PLEKHH1: variants seen among roughly 807,000 people sequenced by gnomAD.
PLEKHH1 encodes the protein pleckstrin homology, MyTH4 and FERM domain containing H1.
Under a neutral mutation model 160.0 loss-of-function variants are expected in PLEKHH1, and 104 were observed. That is an observed-to-expected ratio of 0.65 (90% CI 0.55 to 0.76). The LOEUF is 0.76. PLEKHH1 is among the 30% of genes least tolerant of loss of function. The pLI is 0.00. For synonymous variants in PLEKHH1, 619 were observed against 678.4 expected, an observed-to-expected ratio of 0.91 and a Z score of 1.36; for missense variants, 1,427 against 1,724.1, an observed-to-expected ratio of 0.83 and a Z score of 3.05.
chr14:67,573,245 CT>C lies in PLEKHH1; in HGVS notation c.1729-28del, dbSNP rs2035470152. The C allele has an allele frequency of 1.4e-6, 2 of 1,406,954 alleles. No individual in the cohort carries two copies. The highest frequency in any genetic ancestry group is 1.1e-5 in the South Asian group (1 of 86,990). The allele number at this position is 1,406,954 out of a possible 1,614,324, so 87.2% of individuals were successfully genotyped here. A position where few individuals can be genotyped will look rare whatever the true frequency, so the allele number is the denominator to read the frequency against. ...GTCTAGGAGCCCTGAGTGATTTCCC[CT>C]TTCTTCATCTACACCCTTCCACCCC... On this transcript the variant is annotated intron_variant, in intron 11 of 28. Coordinates refer to ENST00000329153, the MANE Select transcript of PLEKHH1 (RefSeq NM_020715.3). This position sits in a 1 kb window ranked among gnomAD's most constrained non-coding sequence, Gnocchi z 4.8.
intron 1 of PLEKHH1, among the ~76,000 whole-genome samples, chr14:67,537,745 G>A (rs932362691): frequency 2.0e-5 from 3 of 152,270 alleles, no homozygotes; most frequent in Admixed American, 1.3e-4. Flanking sequence ...GAGATCCCAG[G>A]TCAAATTTGT....
intron 4 of PLEKHH1, 58 bp downstream of exon 4, chr14:67,557,476 C>T (rs1329582292): frequency 6.5e-7 from 1 of 1,542,426 alleles, no homozygotes; most frequent in South Asian, 1.2e-5. Context: ...ACTGCTGGCC[C>T]CCAGCTTCCT....
chr14:67,587,186 A>G lies in PLEKHH1; in HGVS notation c.4046A>G (p.Gln1349Arg). Residue 1349 changes from glutamine to arginine, a missense_variant, in exon 29 of 29, where the codon CAG (glutamine) becomes CGG (arginine). Gln to Arg is a conservative substitution (Grantham distance 43). Coordinates refer to ENST00000329153, the MANE Select transcript of PLEKHH1 (RefSeq NM_020715.3). Reference protein sequence around the residue: ...ACQLWELDGRQFFSSVSCATK... With the variant: ...ACQLWELDGRRFFSSVSCATK... ...CAGCTGTGGGAACTGGATGGACGAC[A>G]GTTCTTTTCTTCTGTTTCCTGTGCT... The G allele has an allele frequency of 6.2e-7, 1 of 1,613,828 alleles. No homozygotes were observed. Among genetic ancestry groups the G allele is most frequent in the Non-Finnish European group, 8.5e-7 (1 of 1,179,804 alleles).
At chr14:67,564,296 C>T (rs1288574045) in intron 7 of PLEKHH1, among the ~76,000 whole-genome samples, 1 of 152,156 alleles carries the variant, frequency 6.6e-6, no homozygotes, top group Admixed American at 6.6e-5. Context: ...TGCGCCAGGC[C>T]AGCTTCCTTA....
chr14:67,585,770 C>A, intron 27 of PLEKHH1, 116 bp downstream of exon 27: 2 of 988,312 alleles, frequency 2.0e-6, no homozygotes, highest in Admixed American at 2.3e-5. Flanking sequence ...TACCCCCACT[C>A]CTGCCCAAGC....
At chr14:67,579,098 C>G (rs769286230) in intron 20 of PLEKHH1, 36 bp from the exon 21 acceptor site, 1 of 1,463,448 alleles carries the variant, frequency 6.8e-7, no homozygotes, top group South Asian at 1.2e-5. Flanking sequence ...CAGAGATGAG[C>G]AGAGCCCATA....
At chr14:67,566,110 G>A (rs961854347) in intron 7 of PLEKHH1, among the ~76,000 whole-genome samples, 8 of 152,084 alleles carry the variant, frequency 5.3e-5, no homozygotes, top group South Asian at 2.1e-4. Flanking sequence ...CAGAGGAGAC[G>A]ATCTCCAAAA....
rs372444628 is a variant in PLEKHH1, at chr14:67,578,195, T to A, written c.2747T>A (p.Met916Lys). ...CGCCCACCTCAGAAGTACTCCCTCA[T>A]GCAGGTAGGCATGCCAGGGGTGGAG... ...SCRPPQKYSL[M>K]QCWQLLALCA... Residue 916 changes from methionine to lysine, a missense_variant, in exon 19 of 29, where the codon ATG (methionine) becomes AAG (lysine). Physicochemically the swap from Met to Lys is moderately conservative, Grantham distance 95 (BLOSUM62 -1). This residue lies in a region of PLEKHH1 where 436 missense variants were observed against 607.5 expected (regional missense o/e 0.72). Coordinates refer to ENST00000329153, the MANE Select transcript of PLEKHH1 (RefSeq NM_020715.3). This position sits in a 1 kb window ranked among gnomAD's most constrained non-coding sequence, Gnocchi z 5.0. 6.2e-7 allele frequency: 1 copy of A among 1,613,430 alleles called. No individual in the cohort carries two copies.
At chr14:67,572,864 C>G (rs1424493976) in intron 11 of PLEKHH1, among the ~76,000 whole-genome samples, 1 of 152,222 alleles carries the variant, frequency 6.6e-6, no homozygotes, top group Non-Finnish European at 1.5e-5. Flanking sequence ...TTGCCCAGAC[C>G]TGCCTTGCCC....
chr14:67,548,457 G>A (rs1393877155), intron 2 of PLEKHH1, among the ~76,000 whole-genome samples: 4 of 152,176 alleles, frequency 2.6e-5, no homozygotes, highest in African/African-American at 7.2e-5. Context: ...CAGCACTTTG[G>A]GAGGCCAAGG....
intron 1 of PLEKHH1, among the ~76,000 whole-genome samples, chr14:67,540,249 T>C (rs1294889004): frequency 6.6e-6 from 1 of 152,230 alleles, no homozygotes; most frequent in East Asian, 1.9e-4. Flanking sequence ...TACTTACCTC[T>C]TACCTTGAAG....
At chr14:67,564,722 A>G (rs1161957864) in intron 7 of PLEKHH1, among the ~76,000 whole-genome samples, 10 of 135,322 alleles carry the variant, frequency 7.4e-5, no homozygotes, top group Admixed American at 7.5e-5. Context: ...AGTCTTGCTC[A>G]GTCTTGCCCA....
chr14:67,587,002 G>A (rs1377508598), intron 28 of PLEKHH1, 72 bp from the exon 29 acceptor site: 1 of 1,527,872 alleles, frequency 6.5e-7, no homozygotes, highest in Non-Finnish European at 8.9e-7. Context: ...CAGCATAAGA[G>A]CTAATAAGTA....
intron 5 of PLEKHH1, among the ~76,000 whole-genome samples, chr14:67,560,255 G>GACCTCAGGTGATTCACCC (rs2034777622): frequency 1.3e-5 from 2 of 152,116 alleles, no homozygotes; most frequent in African/African-American, 4.8e-5. Context: ...TCGAACTCCT[G>GACCTCAGGTGATTCACCC]ACCTCAGGTG....
intron 5 of PLEKHH1, among the ~76,000 whole-genome samples, chr14:67,560,327 A>G (rs1339481074): frequency 2.0e-5 from 3 of 152,152 alleles, no homozygotes; most frequent in Admixed American, 6.5e-5. Context: ...GTGCCCTGCT[A>G]CTTTCTCTTC....
chr14:67,546,038 A>C (rs191480013), intron 2 of PLEKHH1, among the ~76,000 whole-genome samples: 1 of 152,316 alleles, frequency 6.6e-6, no homozygotes, highest in East Asian at 1.9e-4. Context: ...AAATGCTTAC[A>C]GGTAAGCTAG....
chr14:67,557,227 G>T, intron 3 of PLEKHH1, 42 bp from the exon 4 acceptor site: 2 of 1,590,202 alleles, frequency 1.3e-6, no homozygotes, highest in Non-Finnish European at 1.7e-6. Flanking sequence ...CACACCCCGT[G>T]TGAGTGATGG....
At chr14:67,584,147 G>GC (rs1390339256) in intron 26 of PLEKHH1, 23 bp downstream of exon 26, 1 of 1,609,674 alleles carries the variant, frequency 6.2e-7, no homozygotes, top group African/African-American at 1.3e-5. Context: ...GGAAGGAGCT[G>GC]CCCACACCCT....
intron 7 of PLEKHH1, 119 bp downstream of exon 7, chr14:67,563,013 G>A (rs2140422202): frequency 1.9e-6 from 2 of 1,027,642 alleles, no homozygotes; most frequent in South Asian, 3.4e-5. Context: ...TGGTGGCCCT[G>A]GCAGGCAGGT....
Sources: allele counts gnomAD v4.1 joint callset (sites outside exome capture counted in the v4.1 genomes callset), GRCh38; gene constraint gnomAD v4.1.1; regional missense constraint gnomAD v4.1.1; non-coding constraint Gnocchi (gnomAD v3.1); transcripts MANE v1.5; gene names NCBI Gene and HGNC (gene_info 2026-07-23, HGNC 2026-07-21).